CCDC85A: variants seen among roughly 807,000 people sequenced by gnomAD.
The protein encoded by CCDC85A is coiled-coil domain containing 85A.
A neutral mutation model predicts 50.2 loss-of-function variants in CCDC85A; 38 were observed. That is an observed-to-expected ratio of 0.76 (90% CI 0.58 to 0.99). The LOEUF (loss-of-function observed/expected upper bound fraction) is 0.99, where lower values mean the gene tolerates loss of function less well. Ranked by LOEUF, CCDC85A falls within the 50% of genes least tolerant of loss-of-function variation. The probability of loss-of-function intolerance (pLI) is 0.00; values close to 1 mark genes in which losing one functional copy is unlikely to be tolerated. For missense variants in CCDC85A, 820 were observed against 742.0 expected (o/e 1.11, Z -1.22); for synonymous variants, 366 against 301.4 (o/e 1.21, Z -2.22).
intron 2 of CCDC85A, among the ~76,000 whole-genome samples, chr2:56,303,243 C>A (rs964716774): frequency 8.5e-5 from 13 of 152,118 alleles, no homozygotes; most frequent in African/African-American, 2.9e-4. Context: ...TGTATCTCCC[C>A]AGTCATGGCA....
intron 2 of CCDC85A, among the ~76,000 whole-genome samples, chr2:56,229,287 T>C (rs1221287216): frequency 1.3e-5 from 2 of 152,256 alleles, no homozygotes; most frequent in Non-Finnish European, 2.9e-5. Context: ...AGACGTAGAC[T>C]TATGTCTGTA....
At chr2:56,208,764 T>C (rs138567551) in intron 2 of CCDC85A, among the ~76,000 whole-genome samples, 1 of 152,106 alleles carries the variant, frequency 6.6e-6, no homozygotes, top group African/African-American at 2.4e-5. Flanking sequence ...AAAAGGAACA[T>C]TATTAGAAGA....
intron 2 of CCDC85A, among the ~76,000 whole-genome samples, chr2:56,254,904 G>T (rs1260283626): frequency 6.6e-6 from 1 of 152,190 alleles, no homozygotes; most frequent in Non-Finnish European, 1.5e-5. Context: ...TAGGTTATAT[G>T]TGAAGAACAC....
chr2:56,238,894 A>T (rs1258013013), intron 2 of CCDC85A, among the ~76,000 whole-genome samples: 3 of 152,188 alleles, frequency 2.0e-5, no homozygotes, highest in Non-Finnish European at 2.9e-5. Flanking sequence ...TCTGCGATGG[A>T]CTTTGCTGAA....
intron 2 of CCDC85A, among the ~76,000 whole-genome samples, chr2:56,240,157 G>A (rs1257610204): frequency 6.6e-6 from 1 of 152,106 alleles, no homozygotes; most frequent in African/African-American, 2.4e-5. Context: ...ATACCTATTA[G>A]TAGTTGCTCC....
rs764092881 is a variant in CCDC85A at position 56,372,447 on chromosome 2, G to A, written c.1421G>A (p.Arg474Gln). The A allele has an allele frequency of 4.3e-6, 7 of 1,609,716 alleles. No individual in the cohort carries two copies. The highest frequency in any genetic ancestry group is 1.1e-5 in the South Asian group (1 of 89,992). Residue 474 changes from arginine to glutamine, a missense_variant, in exon 4 of 6, where the codon CGA (arginine) becomes CAA (glutamine). Arg to Gln is a conservative substitution (Grantham distance 43, BLOSUM62 1). Transcript: ENST00000407595. ...RRVLQWWQGC[R>Q]GIGRCLPTLP... The stretch of plus-strand genomic sequence containing the variant: ...GTCTTGCAGTGGTGGCAAGGGTGCC[G>A]AGGAATAGGACGATGCCTGCCTACT...
At chr2:56,372,734 A>T (rs557341652) in intron 4 of CCDC85A, among the ~76,000 whole-genome samples, 2 of 152,336 alleles carry the variant, frequency 1.3e-5, no homozygotes, top group African/African-American at 4.8e-5. Context: ...TACCCTGGAC[A>T]TTTCATGATA....
chr2:56,357,597 A>C (rs1414550648), intron 3 of CCDC85A, among the ~76,000 whole-genome samples: 2 of 148,758 alleles, frequency 1.3e-5, no homozygotes, highest in African/African-American at 5.0e-5. Context: ...TCAGTATCTT[A>C]AGTCTTTAGG....
chr2:56,224,098 C>G (rs1203799273), intron 2 of CCDC85A, among the ~76,000 whole-genome samples: 1 of 152,128 alleles, frequency 6.6e-6, no homozygotes. Context: ...GCATTTAACC[C>G]CATACCCATT....
In CCDC85A at chr2:56,261,533, TCTTA is replaced by T. The variant is rs1670219593; in HGVS notation, c.1240+68101_1240+68104del. 5.9e-5 allele frequency among the ~76,000 whole-genome samples: 9 copies of T among 151,634 alleles called. 1 individual carries two copies. In the Admixed American group the frequency reaches 6.0e-4, roughly 10 times the overall value. ...TTGTATTCCCACAATGTGTGCTTCA[TCTTA>T]CTTACTTCCATTTACCTGACATTTA... On this transcript the variant is annotated intron_variant, in intron 2 of 5. Coordinates refer to ENST00000407595, the MANE Select transcript of CCDC85A (RefSeq NM_001080433.2).
At chr2:56,355,804 G>C (rs540012101) in intron 3 of CCDC85A, among the ~76,000 whole-genome samples, 11 of 152,238 alleles carry the variant, frequency 7.2e-5, no homozygotes, top group Admixed American at 2.0e-4. Flanking sequence ...AAAGGAATTG[G>C]GTATTGTCTT....
At position 56,361,628 on chromosome 2, in the gene CCDC85A, T is replaced by G. The variant is rs149849668; in HGVS notation, c.1318-10716T>G. ...GTATGGAAAAGAGTATTCCTGGAAGTGGGAACAGCAAGGATATTTCAGAAA... is the reference window on the plus strand; with the variant it reads ...GTATGGAAAAGAGTATTCCTGGAAGGGGGAACAGCAAGGATATTTCAGAAA... On this transcript the variant is annotated intron_variant, in intron 3 of 5. Transcript: ENST00000407595. 3.2e-3 allele frequency among the ~76,000 whole-genome samples: 484 copies of G among 152,128 alleles called. 2 individuals are homozygous for G. The highest frequency in any genetic ancestry group is 0.011 in the African/African-American group (469 of 41,506).
At chr2:56,225,615 C>A (rs1466443203) in intron 2 of CCDC85A, among the ~76,000 whole-genome samples, 2 of 152,086 alleles carry the variant, frequency 1.3e-5, no homozygotes, top group African/African-American at 2.4e-5. Context: ...TTTGGTTATT[C>A]TGGTTCTTTT....
intron 2 of CCDC85A, among the ~76,000 whole-genome samples, chr2:56,257,821 C>G (rs539985938): frequency 6.6e-6 from 1 of 152,176 alleles, no homozygotes; most frequent in African/African-American, 2.4e-5. Context: ...CTCTCTGAAC[C>G]TGACATGGAG....
intron 2 of CCDC85A, among the ~76,000 whole-genome samples, chr2:56,294,690 C>T (rs1332593419): frequency 6.6e-6 from 1 of 152,142 alleles, no homozygotes; most frequent in Non-Finnish European, 1.5e-5. Context: ...AACACTTTGC[C>T]TAAACAGCAT....
At chr2:56,343,156 G>A (rs1052461283) in intron 3 of CCDC85A, among the ~76,000 whole-genome samples, 3 of 152,166 alleles carry the variant, frequency 2.0e-5, no homozygotes, top group African/African-American at 4.8e-5. Context: ...ACTAAAGGGT[G>A]CAGATATCTG....
chr2:56,320,834 T>TA (rs1461115464), intron 2 of CCDC85A, among the ~76,000 whole-genome samples: 1 of 151,470 alleles, frequency 6.6e-6, no homozygotes. Context: ...AGAGACACAA[T>TA]AAAAAAAGAG....
At chr2:56,305,102 C>CAA (rs545097233) in intron 2 of CCDC85A, among the ~76,000 whole-genome samples, 4,722 of 113,362 alleles carry the variant, frequency 0.042, 263 homozygotes, top group African/African-American at 0.12. Flanking sequence ...GACTCTGCCT[C>CAA]AAAAAAAAAA....
intron 2 of CCDC85A, among the ~76,000 whole-genome samples, chr2:56,226,119 G>A (rs1289940003): frequency 6.6e-6 from 1 of 152,202 alleles, no homozygotes; most frequent in East Asian, 1.9e-4. Flanking sequence ...TTCAGGGCAT[G>A]TGTAATGAAC....
Sources: gnomAD v4.1 joint callset for allele counts (sites outside exome capture counted in the v4.1 genomes callset) on GRCh38, gnomAD v4.1.1 for gene constraint, MANE v1.5 for transcripts, NCBI Gene and HGNC (gene_info 2026-07-23, HGNC 2026-07-21) for gene names.